HIVEP1: variants seen among roughly 807,000 people sequenced by gnomAD.
HIVEP1 encodes the protein HIVEP zinc finger 1.
HIVEP1 carries 36 observed loss-of-function variants against 180.0 expected under a neutral mutation model. The ratio of observed to expected loss-of-function variants is 0.20; its 90% confidence interval spans 0.15 to 0.26. The LOEUF (loss-of-function observed/expected upper bound fraction) is 0.26. Ranked by LOEUF, HIVEP1 falls within the 10% of genes least tolerant of loss-of-function variation. The pLI is 1.00. For missense variants in HIVEP1, 3,143 were observed against 3,268.7 expected (o/e 0.96, Z 0.94); for synonymous variants, 1,239 against 1,239.0 (o/e 1.00, Z 0.00).
intron 4 of HIVEP1, among the ~76,000 whole-genome samples, chr6:12,126,673 G>T (rs60883877): frequency 0.015 from 2,208 of 152,246 alleles, 22 homozygotes; most frequent in Middle Eastern, 0.058. Context: ...TTACAAATCT[G>T]TCAGTAGGAA....
At chr6:12,056,143 C>G (rs967000925) in intron 2 of HIVEP1, among the ~76,000 whole-genome samples, 1 of 151,788 alleles carries the variant, frequency 6.6e-6, no homozygotes, top group African/African-American at 2.4e-5. Flanking sequence ...AATGAAGAAG[C>G]GGAAGTGAAG....
intron 2 of HIVEP1, among the ~76,000 whole-genome samples, chr6:12,028,772 A>C (rs1768747475): frequency 6.6e-6 from 1 of 152,224 alleles, no homozygotes; most frequent in Non-Finnish European, 1.5e-5. Flanking sequence ...TGTGTTTAGT[A>C]AATTTATAGA....
At chr6:12,068,101 G>A (rs1284538914) in intron 2 of HIVEP1, among the ~76,000 whole-genome samples, 1 of 151,702 alleles carries the variant, frequency 6.6e-6, no homozygotes, top group South Asian at 2.1e-4. Context: ...TACTTTTTTT[G>A]TTTTTTGAGA....
intron 7 of HIVEP1, among the ~76,000 whole-genome samples, chr6:12,154,030 C>G (rs1346585328): frequency 6.6e-6 from 1 of 152,192 alleles, no homozygotes; most frequent in African/African-American, 2.4e-5. Flanking sequence ...TGCCTGTGAT[C>G]CCAGCTACTC....
At chr6:12,017,638 A>C (rs1413987274) in intron 2 of HIVEP1, among the ~76,000 whole-genome samples, 1 of 139,830 alleles carries the variant, frequency 7.2e-6, no homozygotes, top group East Asian at 1.9e-4. Flanking sequence ...TGTTTTACAG[A>C]GAGCTGATTG....
intron 2 of HIVEP1, among the ~76,000 whole-genome samples, chr6:12,044,850 G>C (rs1206980879): frequency 6.6e-6 from 1 of 152,218 alleles, no homozygotes; most frequent in Non-Finnish European, 1.5e-5. Flanking sequence ...TGCTGTGCAT[G>C]TGTGTTTGCA....
chr6:12,016,818 C>A (rs1767785149), intron 2 of HIVEP1, among the ~76,000 whole-genome samples: 1 of 152,210 alleles, frequency 6.6e-6, no homozygotes, highest in African/African-American at 2.4e-5. Context: ...TCACTAGAAT[C>A]TGAACTCCCT....
Position 12,123,433 on chromosome 6 carries a change from G to A in HIVEP1, c.3638G>A (p.Ser1213Asn), listed in dbSNP as rs1351564298. ...RGELQESSRKSPSERHVLGQP... is the reference protein window; with the variant it reads ...RGELQESSRKNPSERHVLGQP... Reference sequence around the variant, plus strand: ...GAACTTCAGGAAAGCTCCAGAAAGAGTCCAAGTGAACGACATGTGTTAGGA... The same window carrying A: ...GAACTTCAGGAAAGCTCCAGAAAGAATCCAAGTGAACGACATGTGTTAGGA... Residue 1213 changes from serine to asparagine, a missense_variant, in exon 4 of 9, where the codon AGT (serine) becomes AAT (asparagine). Transcript: ENST00000379388. 1 of 1,614,204 alleles carries A rather than the reference G, an allele frequency of 6.2e-7. No homozygotes were observed. The highest frequency in any genetic ancestry group is 8.5e-7 in the Non-Finnish European group (1 of 1,180,036).
At position 12,124,138 on chromosome 6, in the gene HIVEP1, C is replaced by A; in HGVS notation, c.4343C>A (p.Pro1448Gln). The A allele has an allele frequency of 2.5e-6, 4 of 1,614,114 alleles. No homozygotes were observed. The highest frequency in any genetic ancestry group is 3.4e-6 in the Non-Finnish European group (4 of 1,180,020). Residue 1448 changes from proline (P) to glutamine (Q), a missense_variant, in exon 4 of 9, where the codon CCA becomes CAA. By Grantham distance (76) the Pro-to-Gln change is moderately conservative. Coordinates refer to ENST00000379388, the MANE Select transcript of HIVEP1 (RefSeq NM_002114.4). ...APDSHLSPVH[P>Q]TSFQNTALPS... ...GATAGTCATCTGTCTCCTGTACACCCAACATCTTTCCAAAATACTGCTCTT... is the reference window on the plus strand; with the variant it reads ...GATAGTCATCTGTCTCCTGTACACCAAACATCTTTCCAAAATACTGCTCTT...
intron 2 of HIVEP1, among the ~76,000 whole-genome samples, chr6:12,058,226 GAAAA>G (rs1451459237): frequency 6.9e-6 from 1 of 144,694 alleles, no homozygotes; most frequent in African/African-American, 2.5e-5. Context: ...CAGTGATTTG[GAAAA>G]AAAAAAAGTG....
Position 12,074,643 on chromosome 6 carries a change from T to TGCGC in HIVEP1, c.41-14535_41-14532dup, listed in dbSNP as rs1554139007. Among the ~76,000 whole-genome samples the TGCGC allele has an allele frequency of 7.4e-5, 11 of 148,148 alleles. 1 individual carries two copies. The highest frequency in any genetic ancestry group is 2.0e-4 in the East Asian group (1 of 5,066). ...AAGTGTGTGTGTGTGTGTGTGTGTGTGCGCGCGCGTGCATGTCCTTGTCTC... is the reference window on the plus strand; with the variant it reads ...AAGTGTGTGTGTGTGTGTGTGTGTGTGCGCGCGCGCGCGTGCATGTCCTTGTCTC... On this transcript the variant is annotated intron_variant, in intron 2 of 8. Coordinates refer to ENST00000379388, the MANE Select transcript of HIVEP1 (RefSeq NM_002114.4).
chr6:12,200,809 T>C, the HIVEP1 span, among the ~76,000 whole-genome samples: 1 of 152,250 alleles, frequency 6.6e-6, no homozygotes, highest in African/African-American at 2.4e-5. Flanking sequence ...TACACGACTT[T>C]TGCATTCTAC....
intron 2 of HIVEP1, among the ~76,000 whole-genome samples, chr6:12,074,496 G>A (rs1404334613): frequency 6.6e-6 from 1 of 152,128 alleles, no homozygotes; most frequent in African/African-American, 2.4e-5. Flanking sequence ...CCATAAAAAT[G>A]TATCTTTGAA....
At chr6:12,012,677 CGTGT>C (rs138462020) in intron 1 of HIVEP1, 111 bp downstream of exon 1, 2,610 of 142,890 alleles carry the variant, frequency 0.018, 33 homozygotes, top group Middle Eastern at 0.047. Flanking sequence ...TGCGGGCGCG[CGTGT>C]GTGTGTGTGT....
chr6:12,195,655 A>T, the HIVEP1 span, among the ~76,000 whole-genome samples: 1 of 105,382 alleles, frequency 9.5e-6, no homozygotes, highest in Non-Finnish European at 2.1e-5. Flanking sequence ...AAAAGCTGGC[A>T]TACAGAATTT....
At chr6:12,019,098 G>A (rs145598767) in intron 2 of HIVEP1, among the ~76,000 whole-genome samples, 22 of 152,332 alleles carry the variant, frequency 1.4e-4, no homozygotes, top group African/African-American at 4.6e-4. Context: ...GAATAGATTA[G>A]CTCTAGTAAG....
Position 12,089,171 on chromosome 6 carries a change from CTG to C in HIVEP1, c.41-11_41-10del, listed in dbSNP as rs748683721. The C allele has an allele frequency of 3.5e-6, 5 of 1,437,338 alleles. No individual in the cohort carries two copies. Among genetic ancestry groups the C allele is most frequent in the Non-Finnish European group, 4.9e-6 (5 of 1,028,426 alleles). The allele number at this position is 1,437,338 out of a possible 1,614,324, so 89.0% of individuals were successfully genotyped here. A position where few individuals can be genotyped will look rare whatever the true frequency, so the allele number is the denominator to read the frequency against. ...GGTAAATTAATTTATAAATTTTTCTCTGTTTTTCTTAGACAAAATTGAAGAAG... is the reference window on the plus strand; with the variant it reads ...GGTAAATTAATTTATAAATTTTTCTCTTTTTCTTAGACAAAATTGAAGAAG... On this transcript the variant is annotated splice_polypyrimidine_tract_variant and intron_variant, in intron 2 of 8. Transcript: ENST00000379388.
intron 2 of HIVEP1, among the ~76,000 whole-genome samples, chr6:12,068,980 A>G (rs1406201770): frequency 1.3e-5 from 2 of 152,226 alleles, no homozygotes; most frequent in African/African-American, 4.8e-5. Flanking sequence ...CTATGATAAT[A>G]TTATTCTTTA....
rs1357687427 is a variant in HIVEP1, at chr6:12,012,367, G to A, written c.-303G>A. On this transcript the variant is annotated 5_prime_UTR_variant, in exon 1 of 9. Transcript: ENST00000379388. ...CTGGGCGGCGGCAGGGTGGCGGACG[G>A]AGCGGGGGACCGGGGAGCGGCGGCC... 6.6e-6 allele frequency: 1 copy of A among 151,046 alleles called. No homozygotes were observed. Among genetic ancestry groups the A allele is most frequent in the East Asian group, 1.9e-4 (1 of 5,222 alleles). The allele number at this position is 151,046 out of a possible 1,614,324, so 9.4% of individuals were successfully genotyped here.
Sources: gnomAD v4.1 joint callset for allele counts (sites outside exome capture counted in the v4.1 genomes callset) on GRCh38, gnomAD v4.1.1 for gene constraint, MANE v1.5 for transcripts, NCBI Gene and HGNC (gene_info 2026-07-23, HGNC 2026-07-21) for gene names.